RNF150: variants seen among roughly 807,000 people sequenced by gnomAD.
RNF150 encodes the protein ring finger protein 150.
In RNF150, 24 loss-of-function variants were observed where a neutral mutation model predicts 39.3. That is an observed-to-expected ratio of 0.61 (90% CI 0.44 to 0.86). RNF150 has a LOEUF of 0.86. Ranked by LOEUF, RNF150 falls within the 40% of genes least tolerant of loss-of-function variation. The probability of loss-of-function intolerance (pLI) is 0.00; values close to 1 mark genes in which losing one functional copy is unlikely to be tolerated. For synonymous variants in RNF150, 255 were observed against 227.3 expected (o/e 1.12, Z -1.10); for missense variants, 502 against 587.8 (o/e 0.85, Z 1.51).
intron 1 of RNF150, among the ~76,000 whole-genome samples, chr4:140,972,398 G>C (rs1733500503): frequency 6.6e-6 from 1 of 151,964 alleles, no homozygotes; most frequent in African/African-American, 2.4e-5. Context: ...TGACCAAGTG[G>C]GATTTATCCT....
intron 1 of RNF150, among the ~76,000 whole-genome samples, chr4:141,211,499 T>C (rs1232785293): frequency 6.6e-6 from 1 of 152,168 alleles, no homozygotes; most frequent in East Asian, 1.9e-4. Flanking sequence ...CTGATTCAAT[T>C]TATAATAATG....
intron 2 of RNF150, among the ~76,000 whole-genome samples, chr4:140,965,094 T>C (rs1411309965): frequency 6.6e-6 from 1 of 151,994 alleles, no homozygotes; most frequent in Non-Finnish European, 1.5e-5. Flanking sequence ...AAAAAGAAAT[T>C]TGAAAAGTAG....
intron 1 of RNF150, among the ~76,000 whole-genome samples, chr4:140,993,041 G>A (rs1380775288): frequency 6.6e-6 from 1 of 151,876 alleles, no homozygotes; most frequent in Non-Finnish European, 1.5e-5. Flanking sequence ...CCTCCCTTGG[G>A]GTGTCAAGAA....
intron 1 of RNF150, among the ~76,000 whole-genome samples, chr4:141,149,711 A>G (rs999305137): frequency 2.6e-5 from 4 of 152,224 alleles, no homozygotes; most frequent in African/African-American, 9.6e-5. Flanking sequence ...GTGTGCAAGT[A>G]TCTTTTTCGT....
At chr4:141,082,733 C>T (rs1275797023) in intron 1 of RNF150, among the ~76,000 whole-genome samples, 2 of 150,996 alleles carry the variant, frequency 1.3e-5, no homozygotes. Flanking sequence ...GGACTACAGG[C>T]GCCCGCCACT....
chr4:141,114,585 C>A (rs1433470210), intron 1 of RNF150, among the ~76,000 whole-genome samples: 1 of 152,146 alleles, frequency 6.6e-6, no homozygotes, highest in Admixed American at 6.5e-5. Flanking sequence ...CTACCAAGAG[C>A]CGGTACCATT....
chr4:141,198,032 C>G (rs552429329), intron 1 of RNF150, among the ~76,000 whole-genome samples: 8 of 137,346 alleles, frequency 5.8e-5, no homozygotes, highest in African/African-American at 2.1e-4. Context: ...TTAGACCACT[C>G]CTTTTTTTTT....
At chr4:140,950,122 A>G (rs1732487954) in intron 2 of RNF150, among the ~76,000 whole-genome samples, 1 of 152,194 alleles carries the variant, frequency 6.6e-6, no homozygotes, top group Non-Finnish European at 1.5e-5. Flanking sequence ...TGAGTAAATT[A>G]AATTTTAATC....
chr4:141,148,357 T>C (rs1578766987), intron 1 of RNF150, among the ~76,000 whole-genome samples: 1 of 152,336 alleles, frequency 6.6e-6, no homozygotes, highest in East Asian at 1.9e-4. Context: ...TTATTGAATA[T>C]GGTAGACTTG....
chr4:141,042,061 T>C (rs1041483669), intron 1 of RNF150, among the ~76,000 whole-genome samples: 2 of 152,082 alleles, frequency 1.3e-5, no homozygotes, highest in African/African-American at 4.8e-5. Context: ...GATTCAAGAA[T>C]ATAAAATCAT....
At chr4:141,147,783 G>C (rs746519185) in intron 1 of RNF150, among the ~76,000 whole-genome samples, 1 of 152,206 alleles carries the variant, frequency 6.6e-6, no homozygotes, top group Non-Finnish European at 1.5e-5. Context: ...GCAGATTTCA[G>C]AGGGGAGGGG....
rs1416286569 is a variant in RNF150 at position 141,132,470 on chromosome 4, G to A, written c.339C>T (p.Arg113=). Residue 113 remains arginine (R), a synonymous_variant, in exon 1 of 7, where the codon CGC becomes CGT. Coordinates refer to ENST00000515673, the MANE Select transcript of RNF150 (RefSeq NM_020724.2). This position sits in a 1 kb window ranked among gnomAD's most constrained non-coding sequence, Gnocchi z 4.9. ...DPNTKFAAPT[R]GKNWIALIPK... ...GGATGAGGGCTATCCAGTTCTTGCC[G>A]CGGGTCGGGGCGGCGAACTTGGTGT... 2 of 1,608,806 alleles carry A rather than the reference G, an allele frequency of 1.2e-6. No individual in the cohort carries two copies. Among genetic ancestry groups the A allele is most frequent in the Non-Finnish European group, 1.7e-6 (2 of 1,178,294 alleles).
intron 1 of RNF150, among the ~76,000 whole-genome samples, chr4:141,104,230 T>C (rs1296768355): frequency 6.6e-6 from 1 of 152,098 alleles, no homozygotes; most frequent in Admixed American, 6.6e-5. Flanking sequence ...CTCCAATGTA[T>C]TAGAGCTCAA....
intron 1 of RNF150, among the ~76,000 whole-genome samples, chr4:141,155,853 C>T (rs1363591955): frequency 1.3e-5 from 2 of 152,148 alleles, no homozygotes; most frequent in Non-Finnish European, 2.9e-5. Flanking sequence ...CAGTATCAGG[C>T]AGTTGTTTGA....
intron 1 of RNF150, among the ~76,000 whole-genome samples, chr4:141,205,874 G>A (rs1445048781): frequency 6.6e-6 from 1 of 152,148 alleles, no homozygotes; most frequent in Non-Finnish European, 1.5e-5. Flanking sequence ...TGTTAGAAGG[G>A]AGGTTGTTCA....
intron 1 of RNF150, among the ~76,000 whole-genome samples, chr4:141,030,024 G>A (rs572204531): frequency 1.2e-4 from 18 of 151,970 alleles, no homozygotes; most frequent in Admixed American, 2.6e-4. Flanking sequence ...GCAAAACCCC[G>A]TGCCTACTAA....
intron 5 of RNF150, among the ~76,000 whole-genome samples, chr4:140,913,970 A>G (rs116840507): frequency 6.6e-6 from 1 of 152,242 alleles, no homozygotes; most frequent in East Asian, 1.9e-4. Flanking sequence ...GTTTTCAGGA[A>G]GAAAAGATTT....
chr4:141,011,923 T>C (rs1245793334), intron 1 of RNF150, among the ~76,000 whole-genome samples: 2 of 152,228 alleles, frequency 1.3e-5, no homozygotes, highest in African/African-American at 4.8e-5. Flanking sequence ...TGGGAGCTTA[T>C]CAAGGGATGT....
intron 4 of RNF150, among the ~76,000 whole-genome samples, chr4:140,933,854 T>C (rs1288474430): frequency 6.6e-6 from 1 of 152,160 alleles, no homozygotes; most frequent in Non-Finnish European, 1.5e-5. Context: ...TATGTGGTGT[T>C]GATTAAGTCA....
Sources: gnomAD v4.1 joint callset for allele counts (sites outside exome capture counted in the v4.1 genomes callset) on GRCh38, gnomAD v4.1.1 for gene constraint, Gnocchi (gnomAD v3.1) non-coding constraint, MANE v1.5 for transcripts, NCBI Gene and HGNC (gene_info 2026-07-23, HGNC 2026-07-21) for gene names.